CEP126: variants seen among roughly 807,000 people sequenced by gnomAD.
CEP126 encodes the protein centrosomal protein 126.
In CEP126, 74 loss-of-function variants were observed where a neutral mutation model predicts 107.8. The observed-to-expected ratio is 0.69, with a 90% CI of 0.57 to 0.83. The LOEUF is 0.83. Among genes scored for constraint, CEP126 ranks in the 40% least tolerant of loss-of-function variants. The pLI is 0.00. For missense variants in CEP126, 1,237 were observed against 1,281.9 expected, an observed-to-expected ratio of 0.96 and a Z score of 0.53; for synonymous variants, 449 against 446.0, an observed-to-expected ratio of 1.01 and a Z score of -0.08.
chr11:101,990,774 G>A (rs1470133365), intron 9 of CEP126, among the ~76,000 whole-genome samples: 1 of 151,848 alleles, frequency 6.6e-6, no homozygotes, highest in Non-Finnish European at 1.5e-5. Context: ...CATGCAGGAA[G>A]GCCAAAACAT....
Position 101,981,583 on chromosome 11 carries a change from G to A in CEP126, c.2959-306G>A, listed in dbSNP as rs573184912. ...GTTGGGATTACAAGCATGAGCCACC[G>A]TGTCAGCCTAATTAGCACTTTTGAT... is the stretch of plus-strand genomic sequence containing the variant. On this transcript the variant is annotated intron_variant, in intron 7 of 10. Transcript: ENST00000263468. 1.5e-3 allele frequency among the ~76,000 whole-genome samples: 232 copies of A among 152,188 alleles called. 2 individuals carry two copies. The Middle Eastern group carries it at 0.02, about 13-fold the overall frequency.
intron 10 of CEP126, 158 bp downstream of exon 10, chr11:101,993,000 A>G: frequency 7.2e-6 from 3 of 419,024 alleles, no homozygotes; most frequent in Non-Finnish European, 9.6e-6. Flanking sequence ...AAGACTGTTC[A>G]TTAGAATTAT....
chr11:101,966,516 G>A (rs781032461), intron 6 of CEP126, among the ~76,000 whole-genome samples: 12 of 152,098 alleles, frequency 7.9e-5, no homozygotes, highest in East Asian at 5.8e-4. Context: ...CAAGCCATTC[G>A]ACTATACCAC....
intron 1 of CEP126, among the ~76,000 whole-genome samples, chr11:101,918,088 C>T (rs1940257707): frequency 6.6e-6 from 1 of 152,140 alleles, no homozygotes; most frequent in South Asian, 2.1e-4. Context: ...CACACACTCC[C>T]ACCCACCTGT....
At chr11:101,942,359 A>G (rs1940677141) in intron 2 of CEP126, among the ~76,000 whole-genome samples, 1 of 151,940 alleles carries the variant, frequency 6.6e-6, no homozygotes, top group African/African-American at 2.4e-5. Context: ...ATCCAACACC[A>G]TTTTCTGTAA....
chr11:101,987,584 C>T (rs1446210272), intron 9 of CEP126, among the ~76,000 whole-genome samples: 1 of 151,578 alleles, frequency 6.6e-6, no homozygotes, highest in East Asian at 1.9e-4. Context: ...ATCTTTCCAC[C>T]ATAAAGCTGG....
chr11:101,956,284 C>G (rs1940888267), intron 4 of CEP126: 1 of 456,286 alleles, frequency 2.2e-6, no homozygotes, highest in African/African-American at 2.0e-5. Flanking sequence ...TTTCCCCAAC[C>G]CCTTTGGAAC....
At chr11:101,944,037 A>G (rs996434133) in intron 2 of CEP126, among the ~76,000 whole-genome samples, 16 of 152,164 alleles carry the variant, frequency 1.1e-4, no homozygotes, top group African/African-American at 3.9e-4. Flanking sequence ...AAAGGGCTGC[A>G]TTAGAGAATC....
chr11:101,967,025 CTTTT>C (rs759877416), intron 6 of CEP126, among the ~76,000 whole-genome samples: 3 of 107,086 alleles, frequency 2.8e-5, no homozygotes, highest in Non-Finnish European at 5.5e-5. Context: ...CTCTTTCTTT[CTTTT>C]TTTTTTTTTT....
rs756968310 is a variant in CEP126 at position 101,962,210 on chromosome 11, T to C, written c.1175T>C (p.Met392Thr). 1.2e-6 allele frequency: 2 copies of C among 1,613,924 alleles called. No homozygotes were observed. Among genetic ancestry groups the C allele is most frequent in the South Asian group, 1.1e-5 (1 of 91,066 alleles). ...KCEKTSETST[M>T]RTTDSTSGAF... The stretch of plus-strand genomic sequence containing the variant: ...GAAAAGACCTCTGAAACTAGCACTA[T>C]GAGGACAACTGACTCCACTTCTGGA... The change falls in exon 6 of 11, where the codon ATG (methionine) becomes ACG (threonine). Residue 392 changes from methionine (M) to threonine (T), a missense_variant. Transcript: ENST00000263468.
At chr11:101,992,240 A>T (rs1941393861) in intron 9 of CEP126, among the ~76,000 whole-genome samples, 1 of 152,166 alleles carries the variant, frequency 6.6e-6, no homozygotes, top group African/African-American at 2.4e-5. Context: ...GAATAAAAAA[A>T]TTAAGTCAAT....
Position 101,958,215 on chromosome 11 carries a change from A to G in CEP126, c.554A>G (p.Lys185Arg). 6.2e-7 allele frequency: 1 copy of G among 1,614,006 alleles called. No individual in the cohort carries two copies. Among genetic ancestry groups the G allele is most frequent in the Non-Finnish European group, 8.5e-7 (1 of 1,179,926 alleles). The stretch of plus-strand genomic sequence containing the variant: ...TCCGCATTATCAAAAAATGATCACA[A>G]GCATCAGAAACAACTCTTATCCAAA... ...LPSALSKNDH[K>R]HQKQLLSKIN... The change falls in exon 5 of 11, where the codon AAG becomes AGG. Residue 185 changes from lysine to arginine, a missense_variant. By Grantham distance (26) the Lys-to-Arg change is conservative (BLOSUM62 2). Around this residue, in one of 3 missense-constraint regions of CEP126, gnomAD observed 1,134 missense variants for 1,150.5 expected, o/e 0.99. Coordinates refer to ENST00000263468, the MANE Select transcript of CEP126 (RefSeq NM_020802.4).
At chr11:101,969,051 C>A (rs949815233) in intron 6 of CEP126, among the ~76,000 whole-genome samples, 1 of 152,016 alleles carries the variant, frequency 6.6e-6, no homozygotes, top group African/African-American at 2.4e-5. Context: ...GACAGGGTCT[C>A]ACTCTGTCAC....
In CEP126 at chr11:101,997,718, A is replaced by G; in HGVS notation, c.*75A>G. 6.3e-7 allele frequency: 1 copy of G among 1,597,940 alleles called. No homozygotes were observed. The highest frequency in any genetic ancestry group is 1.7e-5 in the Admixed American group (1 of 58,404). ...AGATGCATACCGTTTTGTGAAAACC[A>G]GCCATAGGAAAACATGTGAGCAACA... On this transcript the variant is annotated 3_prime_UTR_variant, in exon 11 of 11. Transcript: ENST00000263468.
At position 101,922,721 on chromosome 11, in the gene CEP126, G is replaced by A. The variant is rs745899466; in HGVS notation, c.209G>A (p.Arg70Gln). ...LLQQQKICRN[R>Q]ARKYFVESNR... ...CAGCAACAAAAAATATGTCGAAATCGAGCACGTAAATATTTTGTGGAGTCA... is the reference window on the plus strand; with the variant it reads ...CAGCAACAAAAAATATGTCGAAATCAAGCACGTAAATATTTTGTGGAGTCA... The change falls in exon 2 of 11, where the codon CGA (arginine) becomes CAA (glutamine). Residue 70 changes from arginine to glutamine, a missense_variant. Transcript: ENST00000263468. The A allele has an allele frequency of 3.1e-6, 5 of 1,612,458 alleles. No individual in the cohort carries two copies. The highest frequency in any genetic ancestry group is 2.7e-5 in the African/African-American group (2 of 74,848).
At chr11:101,941,395 A>G (rs1940661873) in intron 2 of CEP126, among the ~76,000 whole-genome samples, 1 of 151,976 alleles carries the variant, frequency 6.6e-6, no homozygotes, top group South Asian at 2.1e-4. Flanking sequence ...ATCATACAAC[A>G]TTTGTCCTTT....
intron 4 of CEP126, among the ~76,000 whole-genome samples, chr11:101,955,550 T>C (rs978903345): frequency 6.6e-6 from 1 of 151,608 alleles, no homozygotes; most frequent in African/African-American, 2.4e-5. Context: ...AGTAAAAGGC[T>C]TCTGAGAAGT....
chr11:101,930,878 C>T (rs1189800744), intron 2 of CEP126, among the ~76,000 whole-genome samples: 1 of 152,126 alleles, frequency 6.6e-6, no homozygotes, highest in African/African-American at 2.4e-5. Flanking sequence ...ATGGAACTCA[C>T]AGATATGGAG....
intron 3 of CEP126, among the ~76,000 whole-genome samples, chr11:101,947,086 C>T (rs1159215224): frequency 6.6e-6 from 1 of 152,022 alleles, no homozygotes; most frequent in Non-Finnish European, 1.5e-5. Flanking sequence ...TTGAACTAAC[C>T]CTTACATAAT....
Sources: gnomAD v4.1 joint callset for allele counts (sites outside exome capture counted in the v4.1 genomes callset) on GRCh38, gnomAD v4.1.1 for gene constraint, gnomAD v4.1.1 regional missense constraint, MANE v1.5 for transcripts, NCBI Gene and HGNC (gene_info 2026-07-23, HGNC 2026-07-21) for gene names.